Variants in TRPC4 observed in about 807,000 individuals in gnomAD.
The protein encoded by TRPC4 is short transient receptor potential channel 4.
In TRPC4, 49 loss-of-function variants were observed where a neutral mutation model predicts 99.4. The observed-to-expected ratio is 0.49, with a 90% CI of 0.39 to 0.63. The LOEUF is 0.63. TRPC4 is among the 20% of genes least tolerant of loss of function. The pLI, the probability that TRPC4 is intolerant of heterozygous loss-of-function variation, is 0.00. For missense variants in TRPC4, 898 were observed against 1,152.9 expected (o/e 0.78, Z 3.20); for synonymous variants, 454 against 425.9 (o/e 1.07, Z -0.81).
chr13:37,747,462 A>G (rs1955819041), intron 2 of TRPC4, among the ~76,000 whole-genome samples: 1 of 152,138 alleles, frequency 6.6e-6, no homozygotes, highest in African/African-American at 2.4e-5. Context: ...AAAGCCATAG[A>G]GGCATTTATG....
chr13:37,786,289 G>GACACACACAC (rs10549960), intron 1 of TRPC4, among the ~76,000 whole-genome samples: 136 of 141,054 alleles, frequency 9.6e-4, no homozygotes, highest in African/African-American at 3.3e-3. Flanking sequence ...CAGGGAGAAA[G>GACACACACAC]ACACACACAC....
At chr13:37,677,119 C>T (rs1016511415) in intron 4 of TRPC4, among the ~76,000 whole-genome samples, 1 of 151,840 alleles carries the variant, frequency 6.6e-6, no homozygotes, top group Admixed American at 6.6e-5. Flanking sequence ...TCTTATACTA[C>T]ACATAAAGCA....
intron 1 of TRPC4, among the ~76,000 whole-genome samples, chr13:37,852,212 A>C (rs1354882589): frequency 1.3e-5 from 2 of 152,108 alleles, no homozygotes; most frequent in African/African-American, 4.8e-5. Flanking sequence ...CACAGGAACA[A>C]AAGTGTCCCC....
chr13:37,674,652 T>C (rs556759311), intron 4 of TRPC4, among the ~76,000 whole-genome samples: 2 of 152,332 alleles, frequency 1.3e-5, no homozygotes, highest in South Asian at 4.1e-4. Flanking sequence ...GTAGCTCCTT[T>C]ATAACTATAT....
intron 1 of TRPC4, among the ~76,000 whole-genome samples, chr13:37,784,650 T>A (rs530332399): frequency 1.3e-5 from 2 of 152,086 alleles, no homozygotes; most frequent in South Asian, 4.1e-4. Context: ...TTTTAAATGA[T>A]CTTTTCAACC....
intron 1 of TRPC4, among the ~76,000 whole-genome samples, chr13:37,859,364 T>C (rs142221583): frequency 1.7e-3 from 252 of 151,398 alleles, no homozygotes; most frequent in African/African-American, 5.8e-3. Flanking sequence ...CTGAAAGTAA[T>C]GAAAGACAGG....
At chr13:37,790,898 T>C (rs980765888) in intron 1 of TRPC4, among the ~76,000 whole-genome samples, 4 of 152,118 alleles carry the variant, frequency 2.6e-5, no homozygotes, top group Non-Finnish European at 5.9e-5. Flanking sequence ...GTTAACATCA[T>C]ACCTCATAAC....
At chr13:37,725,136 G>A (rs750295519) in intron 3 of TRPC4, among the ~76,000 whole-genome samples, 4 of 151,886 alleles carry the variant, frequency 2.6e-5, no homozygotes, top group Non-Finnish European at 4.4e-5. Context: ...AGATTTGGGC[G>A]GACTGAAGAA....
chr13:37,847,447 G>C (rs867471509), intron 1 of TRPC4, among the ~76,000 whole-genome samples: 1 of 151,906 alleles, frequency 6.6e-6, no homozygotes, highest in Non-Finnish European at 1.5e-5. Flanking sequence ...ATAACCAACA[G>C]GTCATAGTGT....
At chr13:37,792,905 T>C (rs1015532020) in intron 1 of TRPC4, among the ~76,000 whole-genome samples, 5 of 152,104 alleles carry the variant, frequency 3.3e-5, no homozygotes, top group African/African-American at 1.2e-4. Flanking sequence ...AAAGAAACTA[T>C]GTGGCTTAGG....
chr13:37,827,052 C>T (rs1207344772), intron 1 of TRPC4, among the ~76,000 whole-genome samples: 1 of 152,042 alleles, frequency 6.6e-6, no homozygotes, highest in Admixed American at 6.5e-5. Flanking sequence ...CCCTTTCTTC[C>T]AGTTGATCGC....
At chr13:37,755,876 T>G (rs1956083830) in intron 2 of TRPC4, among the ~76,000 whole-genome samples, 1 of 152,124 alleles carries the variant, frequency 6.6e-6, no homozygotes, top group African/African-American at 2.4e-5. Context: ...AGGTGTTTGT[T>G]TTTTCAAGGG....
rs1954580504 is a variant in TRPC4, at chr13:37,714,106, T to C, written c.898-21771A>G. Among the ~76,000 whole-genome samples, 5 of 151,994 alleles carry C rather than the reference T, an allele frequency of 3.3e-5. No individual in the cohort carries two copies. The South Asian group carries it at 1.0e-3, about 32-fold the overall frequency. On this transcript the variant is annotated intron_variant, in intron 3 of 10. Coordinates refer to ENST00000379705, the MANE Select transcript of TRPC4 (RefSeq NM_016179.4). ...CTCCCTTTCTTTTCTTTTCTTTTTT[T>C]TCTCTTTCGCTCTCTCTCTTTCCTT...
chr13:37,679,320 A>C (rs1033090573), intron 4 of TRPC4, among the ~76,000 whole-genome samples: 2 of 152,182 alleles, frequency 1.3e-5, no homozygotes, highest in Non-Finnish European at 2.9e-5. Flanking sequence ...GTTATAACTT[A>C]ATTTGAATGT....
intron 1 of TRPC4, among the ~76,000 whole-genome samples, chr13:37,818,925 A>T (rs1957937818): frequency 6.6e-6 from 1 of 152,062 alleles, no homozygotes; most frequent in African/African-American, 2.4e-5. Flanking sequence ...CGTTCTGCAT[A>T]TATATCCCAA....
chr13:37,726,156 A>G (rs1394931331), intron 3 of TRPC4, among the ~76,000 whole-genome samples: 2 of 151,816 alleles, frequency 1.3e-5, no homozygotes, highest in South Asian at 4.2e-4. Flanking sequence ...AGATCGTACC[A>G]CTGCACTCCA....
intron 1 of TRPC4, among the ~76,000 whole-genome samples, chr13:37,798,598 A>T (rs1247755541): frequency 6.6e-6 from 1 of 152,142 alleles, no homozygotes; most frequent in Non-Finnish European, 1.5e-5. Flanking sequence ...TTAGATGAAA[A>T]GTGAAAAAAA....
rs77998628 is a variant in TRPC4, at chr13:37,795,506, G to C, written c.-27-12146C>G. Among the ~76,000 whole-genome samples the C allele has an allele frequency of 9.2e-5, 14 of 152,248 alleles. No homozygotes were observed. In the East Asian group the frequency reaches 2.7e-3, roughly 29 times the overall value. ...AGGAGAAAGCAGCAAGCTCTATCAG[G>C]GGGGTAAGAAATGCTTGCTGGAGGA... On this transcript the variant is annotated intron_variant, in intron 1 of 10. Coordinates refer to ENST00000379705, the MANE Select transcript of TRPC4 (RefSeq NM_016179.4).
intron 4 of TRPC4, among the ~76,000 whole-genome samples, chr13:37,682,652 C>T (rs566731946): frequency 6.6e-6 from 1 of 152,184 alleles, no homozygotes; most frequent in Non-Finnish European, 1.5e-5. Context: ...AACCACCTAG[C>T]CCTCTCCTTC....
Sources: gnomAD v4.1 joint callset for allele counts (sites outside exome capture counted in the v4.1 genomes callset) on GRCh38, gnomAD v4.1.1 for gene constraint, MANE v1.5 for transcripts, NCBI Gene and HGNC (gene_info 2026-07-23, HGNC 2026-07-21) for gene names.